Variants in ERC2 observed in about 807,000 individuals in gnomAD.
ERC2 encodes ELKS/RAB6-interacting/CAST family member 2.
Under a neutral mutation model 114.8 loss-of-function variants are expected in ERC2, and 42 were observed. That is an observed-to-expected ratio of 0.37 (90% CI 0.29 to 0.47). ERC2 has a LOEUF of 0.47. Among genes scored for constraint, ERC2 ranks in the 20% least tolerant of loss-of-function variants. ERC2 has a pLI of 0.99. For synonymous variants in ERC2, 454 were observed against 425.5 expected, an observed-to-expected ratio of 1.07 and a Z score of -0.82; for missense variants, 939 against 1,150.7, an observed-to-expected ratio of 0.82 and a Z score of 2.66.
chr3:56,229,130 A>C (rs2050442699), intron 3 of ERC2, among the ~76,000 whole-genome samples: 1 of 152,228 alleles, frequency 6.6e-6, no homozygotes, highest in Non-Finnish European at 1.5e-5. Flanking sequence ...GCCAGGCATT[A>C]TTCCTATTTA....
chr3:56,225,395 A>G lies in ERC2; in HGVS notation c.1075-51875T>C, dbSNP rs143946017. 4.0e-3 allele frequency among the ~76,000 whole-genome samples: 610 copies of G among 152,318 alleles called. 4 individuals are homozygous for G. Among genetic ancestry groups the G allele is most frequent in the African/African-American group, 0.013 (555 of 41,572 alleles). ...GAGACCATGATAAGGCCACATCATA[A>G]CTTTGTCTAAGCGCAGACAATAATG... On this transcript the variant is annotated intron_variant, in intron 3 of 17. Coordinates refer to ENST00000288221, the MANE Select transcript of ERC2 (RefSeq NM_015576.3).
intron 11 of ERC2, among the ~76,000 whole-genome samples, chr3:55,991,428 C>T (rs962009218): frequency 6.6e-6 from 1 of 152,126 alleles, no homozygotes; most frequent in Non-Finnish European, 1.5e-5. Flanking sequence ...TACATAAATA[C>T]AATACGGATA....
At chr3:55,681,046 G>T (rs1382023871) in intron 17 of ERC2, among the ~76,000 whole-genome samples, 1 of 152,050 alleles carries the variant, frequency 6.6e-6, no homozygotes, top group Non-Finnish European at 1.5e-5. Context: ...GATAAATCCA[G>T]GCCTGGGTGT....
intron 2 of ERC2, among the ~76,000 whole-genome samples, chr3:56,426,855 T>C (rs1258852033): frequency 3.9e-5 from 6 of 152,158 alleles, no homozygotes; most frequent in Non-Finnish European, 8.8e-5. Context: ...AGCTGCCTAA[T>C]ACGTAGGTGC....
At chr3:55,571,179 T>C (rs2056693175) in intron 17 of ERC2, among the ~76,000 whole-genome samples, 1 of 150,510 alleles carries the variant, frequency 6.6e-6, no homozygotes, top group Non-Finnish European at 1.5e-5. Context: ...TCCCTACTGG[T>C]TAGAAAACTC....
intron 2 of ERC2, among the ~76,000 whole-genome samples, chr3:56,352,154 TA>T (rs2058577574): frequency 6.6e-6 from 1 of 152,072 alleles, no homozygotes; most frequent in Admixed American, 6.5e-5. Context: ...AGATTAACAT[TA>T]AAAAATAAAA....
intron 1 of ERC2, among the ~76,000 whole-genome samples, chr3:56,463,101 A>C (rs1324547732): frequency 6.6e-6 from 1 of 152,134 alleles, no homozygotes; most frequent in East Asian, 1.9e-4. Flanking sequence ...GGTAGTGCGC[A>C]CCTGTAGTTC....
chr3:56,243,142 C>T (rs1391476313), intron 3 of ERC2, among the ~76,000 whole-genome samples: 1 of 152,158 alleles, frequency 6.6e-6, no homozygotes, highest in Non-Finnish European at 1.5e-5. Flanking sequence ...AGTTGCCTTT[C>T]ACACCAAGAA....
chr3:55,837,067 A>G (rs1387673846), intron 14 of ERC2, among the ~76,000 whole-genome samples: 2 of 152,210 alleles, frequency 1.3e-5, no homozygotes, highest in Non-Finnish European at 2.9e-5. Flanking sequence ...ACCATCTCAC[A>G]CCAGTTAGAA....
intron 14 of ERC2, among the ~76,000 whole-genome samples, chr3:55,831,714 G>A (rs1037080834): frequency 6.6e-6 from 1 of 152,118 alleles, no homozygotes; most frequent in African/African-American, 2.4e-5. Flanking sequence ...ATTTCCATCT[G>A]AGGTACCGCG....
intron 14 of ERC2, among the ~76,000 whole-genome samples, chr3:55,860,191 T>C (rs1302974546): frequency 3.3e-5 from 5 of 152,272 alleles, no homozygotes; most frequent in African/African-American, 1.2e-4. Context: ...TACTTAAAAC[T>C]GGACTGACTA....
At chr3:56,065,920 T>A (rs1045585024) in intron 7 of ERC2, among the ~76,000 whole-genome samples, 1 of 152,224 alleles carries the variant, frequency 6.6e-6, no homozygotes, top group Non-Finnish European at 1.5e-5. Flanking sequence ...GGTGTATATA[T>A]ACCACATTTT....
At chr3:56,155,167 CA>C (rs1354219128) in intron 4 of ERC2, among the ~76,000 whole-genome samples, 1 of 152,120 alleles carries the variant, frequency 6.6e-6, no homozygotes, top group African/African-American at 2.4e-5. Context: ...TGCATCTTCG[CA>C]ACATCCCCAT....
Position 55,699,481 on chromosome 3 carries a change from T to C in ERC2, c.2744A>G (p.Asn915Ser). ...GTAATGGTGATGGTCATCATCATAG[T>C]TGTCTGCCATCAACTTCATTCTGTT... ...TQNRMKLMAD[N>S]YDDDHHHYHH... Residue 915 changes from asparagine (N) to serine (S), a missense_variant, in exon 16 of 18, where the codon AAC (asparagine) becomes AGC (serine). Asn to Ser is a conservative substitution (Grantham distance 46, BLOSUM62 1). Transcript: ENST00000288221. 2 of 1,613,322 alleles carry C rather than the reference T, an allele frequency of 1.2e-6. No individual in the cohort carries two copies. The highest frequency in any genetic ancestry group is 1.7e-6 in the Non-Finnish European group (2 of 1,179,468).
chr3:56,411,063 A>C (rs549650186), intron 2 of ERC2, among the ~76,000 whole-genome samples: 95 of 151,234 alleles, frequency 6.3e-4, no homozygotes, highest in Non-Finnish European at 1.1e-3. Flanking sequence ...AAAAAAAAAA[A>C]AAAACAGAAT....
At chr3:55,584,092 C>A (rs919541505) in intron 17 of ERC2, among the ~76,000 whole-genome samples, 1 of 152,168 alleles carries the variant, frequency 6.6e-6, no homozygotes, top group Admixed American at 6.5e-5. Flanking sequence ...TAGTACCTGG[C>A]ACAAGGAACA....
At chr3:56,362,117 A>G (rs1363618665) in intron 2 of ERC2, among the ~76,000 whole-genome samples, 1 of 152,190 alleles carries the variant, frequency 6.6e-6, no homozygotes, top group Non-Finnish European at 1.5e-5. Flanking sequence ...AATGAACACT[A>G]TATCTCCTGC....
chr3:55,989,597 G>A (rs1379721), intron 11 of ERC2, among the ~76,000 whole-genome samples: 45,139 of 152,074 alleles, frequency 0.3, 7,749 homozygotes, highest in Middle Eastern at 0.39. Context: ...GCCCATTAGC[G>A]GAAGGGATTG....
intron 12 of ERC2, among the ~76,000 whole-genome samples, chr3:55,978,514 C>A (rs2149497401): frequency 6.6e-6 from 1 of 152,318 alleles, no homozygotes; most frequent in African/African-American, 2.4e-5. Context: ...CAGCCGGCTT[C>A]TCTCTCGTAT....
Sources: allele counts gnomAD v4.1 joint callset (sites outside exome capture counted in the v4.1 genomes callset), GRCh38; gene constraint gnomAD v4.1.1; transcripts MANE v1.5; gene names NCBI Gene and HGNC (gene_info 2026-07-23, HGNC 2026-07-21).